The following NUS1 variants were observed in gnomAD, a reference collection of about 807,000 sequenced individuals.
NUS1 encodes NUS1 dehydrodolichyl diphosphate synthase subunit.
For missense variants in NUS1, 292 were observed against 382.9 expected (o/e 0.76, Z 1.98); for synonymous variants, 135 against 155.2 (o/e 0.87, Z 0.97).
Position 117,710,668 on chromosome 6 carries a change from T to A in NUS1, c.*3653T>A, listed in dbSNP as rs1184473355. The A allele has an allele frequency of 6.6e-6, 1 of 152,174 alleles. No homozygotes were observed. The highest frequency in any genetic ancestry group is 1.5e-5 in the Non-Finnish European group (1 of 68,012). The allele number at this position is 152,174 out of a possible 1,614,324, so 9.4% of individuals were successfully genotyped here. ...GAGAGTCTTGCATTCTCTTTTGTAT[T>A]TGATTATTGTGTCTGGATATAAATT... On this transcript the variant is annotated 3_prime_UTR_variant, in exon 5 of 5. Transcript: ENST00000368494.
chr6:117,703,565 C>A, intron 3 of NUS1, 40 bp from the exon 4 acceptor site: 1 of 1,319,080 alleles, frequency 7.6e-7, no homozygotes, highest in Non-Finnish European at 1.1e-6. Context: ...TGTGCACATG[C>A]AGTGCATGTT....
At chr6:117,694,840 G>A (rs1773293035) in intron 3 of NUS1, among the ~76,000 whole-genome samples, 1 of 151,954 alleles carries the variant, frequency 6.6e-6, no homozygotes, top group South Asian at 2.1e-4. Flanking sequence ...GCTTCTATAG[G>A]CATACAGTTT....
intron 1 of NUS1, among the ~76,000 whole-genome samples, chr6:117,679,302 G>A (rs1425390242): frequency 6.6e-6 from 1 of 152,206 alleles, no homozygotes; most frequent in Admixed American, 6.5e-5. Flanking sequence ...GGATTGGCGT[G>A]AACAGTGTTC....
intron 1 of NUS1, among the ~76,000 whole-genome samples, chr6:117,687,073 T>C (rs1193228618): frequency 2.0e-5 from 3 of 152,218 alleles, no homozygotes; most frequent in Non-Finnish European, 4.4e-5. Flanking sequence ...TACTTCTGCA[T>C]CCAAATCAGC....
At chr6:117,694,823 A>G (rs1475857916) in intron 3 of NUS1, among the ~76,000 whole-genome samples, 1 of 152,156 alleles carries the variant, frequency 6.6e-6, no homozygotes, top group Non-Finnish European at 1.5e-5. Flanking sequence ...ATTCATGTTC[A>G]TTAATAGCTT....
intron 3 of NUS1, among the ~76,000 whole-genome samples, chr6:117,696,008 T>C (rs1314512213): frequency 6.6e-6 from 1 of 152,122 alleles, no homozygotes; most frequent in Non-Finnish European, 1.5e-5. Context: ...ACTGTTTGTG[T>C]ACAAGTTTTT....
intron 1 of NUS1, among the ~76,000 whole-genome samples, chr6:117,690,991 A>AAG (rs1773209527): frequency 6.6e-6 from 1 of 151,484 alleles, no homozygotes; most frequent in African/African-American, 2.4e-5. Context: ...AAAAAAAAAA[A>AAG]AAAAAAAAAA....
In NUS1 at chr6:117,710,058, A is replaced by C. The variant is rs1297898753; in HGVS notation, c.*3043A>C. 1 of 152,166 alleles carries C rather than the reference A, an allele frequency of 6.6e-6. No individual in the cohort carries two copies. Among genetic ancestry groups the C allele is most frequent in the Admixed American group, 6.5e-5 (1 of 15,280 alleles). The allele number at this position is 152,166 out of a possible 1,614,324, so 9.4% of individuals were successfully genotyped here. Reference sequence around the variant, plus strand: ...ATTGCTGGAGTTGTCAAAATTCCACAGTAATTAAAATTTGAATTTTTACCG... The same window carrying C: ...ATTGCTGGAGTTGTCAAAATTCCACCGTAATTAAAATTTGAATTTTTACCG... On this transcript the variant is annotated 3_prime_UTR_variant, in exon 5 of 5. Coordinates refer to ENST00000368494, the MANE Select transcript of NUS1 (RefSeq NM_138459.5).
At chr6:117,683,769 A>AT (rs1332162450) in intron 1 of NUS1, among the ~76,000 whole-genome samples, 12 of 152,362 alleles carry the variant, frequency 7.9e-5, no homozygotes, top group African/African-American at 2.6e-4. Flanking sequence ...TAGTAAATGT[A>AT]TTTTAAAAGT....
chr6:117,700,899 A>T (rs1773396274), intron 3 of NUS1, among the ~76,000 whole-genome samples: 1 of 152,148 alleles, frequency 6.6e-6, no homozygotes, highest in Admixed American at 6.5e-5. Context: ...GCTAAAAATT[A>T]AAACAATTGA....
intron 1 of NUS1, among the ~76,000 whole-genome samples, chr6:117,687,010 A>G (rs1257887116): frequency 2.0e-5 from 3 of 152,102 alleles, no homozygotes; most frequent in Non-Finnish European, 2.9e-5. Flanking sequence ...CATCTTGCCC[A>G]TAGTGTCTTA....
chr6:117,689,772 C>T (rs1334111383), intron 1 of NUS1, among the ~76,000 whole-genome samples: 2 of 152,084 alleles, frequency 1.3e-5, no homozygotes, highest in African/African-American at 2.4e-5. Context: ...TGCTATGTTG[C>T]CCAGGCTAGC....
At chr6:117,695,431 G>T (rs189975201) in intron 3 of NUS1, among the ~76,000 whole-genome samples, 1 of 151,968 alleles carries the variant, frequency 6.6e-6, no homozygotes, top group African/African-American at 2.4e-5. Flanking sequence ...CCATTATGGG[G>T]CCTCTCTGCT....
intron 3 of NUS1, among the ~76,000 whole-genome samples, chr6:117,695,690 C>T (rs1159684553): frequency 2.0e-5 from 3 of 152,176 alleles, no homozygotes; most frequent in Admixed American, 6.5e-5. Flanking sequence ...CCATCACCAT[C>T]AAAAGTTCCT....
At chr6:117,678,145 T>A (rs1169196919) in intron 1 of NUS1, among the ~76,000 whole-genome samples, 1 of 152,194 alleles carries the variant, frequency 6.6e-6, no homozygotes, top group African/African-American at 2.4e-5. Context: ...AAGGAAGAAG[T>A]AAGCTAAGCC....
intron 3 of NUS1, among the ~76,000 whole-genome samples, chr6:117,699,169 A>T (rs1186935094): frequency 1.3e-5 from 2 of 151,056 alleles, no homozygotes; most frequent in African/African-American, 5.0e-5. Context: ...GACCAGAAAA[A>T]GAAGGAAAAG....
At chr6:117,681,717 C>T (rs1379014422) in intron 1 of NUS1, among the ~76,000 whole-genome samples, 1 of 152,204 alleles carries the variant, frequency 6.6e-6, no homozygotes, top group East Asian at 1.9e-4. Flanking sequence ...GCATTCTATT[C>T]TTAATCTCTA....
In NUS1 at chr6:117,710,509, GAAAC is replaced by G. The variant is rs1281945177; in HGVS notation, c.*3498_*3501del. 1 of 151,954 alleles carries G rather than the reference GAAAC, an allele frequency of 6.6e-6. No homozygotes were observed. Among genetic ancestry groups the G allele is most frequent in the Admixed American group, 6.6e-5 (1 of 15,264 alleles). The allele number at this position is 151,954 out of a possible 1,614,324, so 9.4% of individuals were successfully genotyped here. A position where few individuals can be genotyped will look rare whatever the true frequency, so the allele number is the denominator to read the frequency against. On this transcript the variant is annotated 3_prime_UTR_variant, in exon 5 of 5. Transcript: ENST00000368494. ...CATTATAGGAAAAAGAAGATTCAGA[GAAAC>G]AAAGGAATGTAACCTTATTGATTAC...
rs1773515161 is a variant in NUS1, at chr6:117,707,304, G to A, written c.*289G>A. 1 of 310,492 alleles carries A rather than the reference G, an allele frequency of 3.2e-6. No individual in the cohort carries two copies. The highest frequency in any genetic ancestry group is 2.2e-5 in the African/African-American group (1 of 46,190). The allele number at this position is 310,492 out of a possible 1,614,324, so 19.2% of individuals were successfully genotyped here. A position where few individuals can be genotyped will look rare whatever the true frequency, so the allele number is the denominator to read the frequency against. The stretch of plus-strand genomic sequence containing the variant: ...TGAGCAAATAGCAGTGATGTTTTAG[G>A]AACTGAAATGTCACACTTAAAGTCT... On this transcript the variant is annotated 3_prime_UTR_variant, in exon 5 of 5. Transcript: ENST00000368494.
Sources: allele counts gnomAD v4.1 joint callset (sites outside exome capture counted in the v4.1 genomes callset), GRCh38; gene constraint gnomAD v4.1.1; transcripts MANE v1.5; gene names NCBI Gene and HGNC (gene_info 2026-07-23, HGNC 2026-07-21).